Variants in SPINK5 observed in about 807,000 individuals in gnomAD.
The protein encoded by SPINK5 is serine protease inhibitor Kazal-type 5.
SPINK5 carries 125 observed loss-of-function variants against 151.8 expected under a neutral mutation model. That is an observed-to-expected ratio of 0.82 (90% CI 0.71 to 0.96). The LOEUF (loss-of-function observed/expected upper bound fraction) is 0.96, where lower values mean the gene tolerates loss of function less well. Among genes scored for constraint, SPINK5 ranks in the 40% least tolerant of loss-of-function variants. The probability of loss-of-function intolerance (pLI) is 0.00; values close to 1 mark genes in which losing one functional copy is unlikely to be tolerated. For missense variants in SPINK5, 1,194 were observed against 1,291.9 expected, an observed-to-expected ratio of 0.92 and a Z score of 1.16; for synonymous variants, 374 against 395.3, an observed-to-expected ratio of 0.95 and a Z score of 0.64.
chr5:148,078,021 C>T (rs1561676492), intron 4 of SPINK5, among the ~76,000 whole-genome samples: 1 of 150,862 alleles, frequency 6.6e-6, no homozygotes, highest in Non-Finnish European at 1.5e-5. Context: ...CAGAAATTGT[C>T]AAATGATAAC....
intron 31 of SPINK5, among the ~76,000 whole-genome samples, chr5:148,132,027 G>C (rs1291370959): frequency 6.6e-6 from 1 of 152,168 alleles, no homozygotes; most frequent in Non-Finnish European, 1.5e-5. Flanking sequence ...TGACTTCACA[G>C]ATGATTGAAA....
Position 148,120,292 on chromosome 5 carries a change from C to A in SPINK5, c.2442-3C>A. 6.2e-7 allele frequency: 1 copy of A among 1,605,496 alleles called. No homozygotes were observed. The highest frequency in any genetic ancestry group is 8.5e-7 in the Non-Finnish European group (1 of 1,175,466). On this transcript the variant is annotated splice_polypyrimidine_tract_variant and splice_region_variant and intron_variant, in intron 25 of 32. Coordinates refer to ENST00000256084, the MANE Select transcript of SPINK5 (RefSeq NM_006846.4). The stretch of plus-strand genomic sequence containing the variant: ...TTGAAATGTTTCATTGTTTTCCCCC[C>A]AGGGAAAGGGAAGCAGCTGAAAAAA...
At chr5:148,119,435 C>T (rs748302222) in intron 24 of SPINK5, among the ~76,000 whole-genome samples, 15 of 152,088 alleles carry the variant, frequency 9.9e-5, no homozygotes, top group Non-Finnish European at 1.6e-4. Flanking sequence ...TAAGCAGATG[C>T]GTAAAATAAC....
chr5:148,100,657 A>G (rs1753616126), intron 13 of SPINK5, 76 bp downstream of exon 13: 2 of 1,516,766 alleles, frequency 1.3e-6, no homozygotes, highest in Admixed American at 3.4e-5. Flanking sequence ...CAATTATGGG[A>G]GGGCCACTTC....
At chr5:148,103,647 A>C (rs1319069195) in intron 15 of SPINK5, among the ~76,000 whole-genome samples, 4 of 152,180 alleles carry the variant, frequency 2.6e-5, no homozygotes, top group African/African-American at 9.6e-5. Flanking sequence ...TTTATTTCAT[A>C]AGTATATAAA....
Position 148,097,870 on chromosome 5 carries a change from C to A in SPINK5, c.886C>A (p.Leu296Ile), listed in dbSNP as rs1753510621. 6.2e-7 allele frequency: 1 copy of A among 1,606,918 alleles called. No individual in the cohort carries two copies. ...KTKVKREIVKLCSQYQNQAKN... is the reference protein window; with the variant it reads ...KTKVKREIVKICSQYQNQAKN... ...CTTTTTCTTATTCATTATTCAGAAA[C>A]TCTGCAGTCAATATCAAAATCAGGC... is the stretch of plus-strand genomic sequence containing the variant. The change falls in exon 11 of 33, where the codon CTC becomes ATC. Residue 296 changes from leucine to isoleucine, a missense_variant. By Grantham distance (5) the Leu-to-Ile change is conservative (BLOSUM62 2). Transcript: ENST00000256084.
chr5:148,121,661 TAAAG>T (rs150640655), intron 26 of SPINK5, among the ~76,000 whole-genome samples: 79,569 of 148,616 alleles, frequency 0.54, 22,438 homozygotes, highest in Admixed American at 0.64. Flanking sequence ...AAAAAAAAAA[TAAAG>T]AAAATATGGA....
intron 15 of SPINK5, among the ~76,000 whole-genome samples, chr5:148,102,332 TTAA>T (rs1380611021): frequency 6.6e-6 from 1 of 152,098 alleles, no homozygotes. Flanking sequence ...GTGACTACAG[TTAA>T]TAATAATGTA....
chr5:148,135,396 TATA>T (rs1046635308), intron 32 of SPINK5, among the ~76,000 whole-genome samples: 3 of 152,294 alleles, frequency 2.0e-5, no homozygotes, highest in Non-Finnish European at 2.9e-5. Flanking sequence ...AAAACTACTT[TATA>T]AAGAACTTGC....
chr5:148,110,989 A>T (rs1753910771), intron 18 of SPINK5, among the ~76,000 whole-genome samples: 1 of 152,052 alleles, frequency 6.6e-6, no homozygotes, highest in Non-Finnish European at 1.5e-5. Context: ...AATAAAATAA[A>T]ATAAAAAACA....
At chr5:148,067,868 G>A (rs1752625981) in intron 2 of SPINK5, among the ~76,000 whole-genome samples, 1 of 152,020 alleles carries the variant, frequency 6.6e-6, no homozygotes, top group Non-Finnish European at 1.5e-5. Context: ...TCCTCCCTTT[G>A]CATCCAAAAT....
chr5:148,097,809 T>A (rs1244910822), intron 10 of SPINK5, 58 bp from the exon 11 acceptor site: 4 of 1,525,508 alleles, frequency 2.6e-6, no homozygotes, highest in Non-Finnish European at 3.6e-6. Context: ...AAATAACATT[T>A]AACATTCATA....
intron 17 of SPINK5, among the ~76,000 whole-genome samples, chr5:148,107,414 T>C (rs992330541): frequency 2.0e-5 from 3 of 151,716 alleles, no homozygotes; most frequent in Non-Finnish European, 4.4e-5. Context: ...TAACACTTGA[T>C]AATCTTCATT....
chr5:148,123,078 G>A (rs1754316155), intron 26 of SPINK5, among the ~76,000 whole-genome samples: 1 of 151,794 alleles, frequency 6.6e-6, no homozygotes, highest in African/African-American at 2.4e-5. Context: ...CAGGGCACTG[G>A]GGGCTCATGC....
chr5:148,094,355 A>G lies in SPINK5; in HGVS notation c.668A>G (p.Asp223Gly), dbSNP rs866243185. 1 of 1,612,262 alleles carries G rather than the reference A, an allele frequency of 6.2e-7. No homozygotes were observed. The highest frequency in any genetic ancestry group is 1.7e-4 in the Middle Eastern group (1 of 6,044). Residue 223 changes from aspartate (D) to glycine (G), a missense_variant and splice_region_variant, in exon 9 of 33, where the codon GAT (aspartate) becomes GGT (glycine). Transcript: ENST00000256084. Reference sequence around the variant, plus strand: ...ATAAATATAATTGTCTTTTCAAAGGATTTTTGCAAGGAATATGAAAAACAA... The same window carrying G: ...ATAAATATAATTGTCTTTTCAAAGGGTTTTTGCAAGGAATATGAAAAACAA... The part of the protein sequence containing the change: ...ETRIRRNAEK[D>G]FCKEYEKQVR...
At chr5:148,120,791 A>G (rs1204056303) in intron 26 of SPINK5, among the ~76,000 whole-genome samples, 1 of 152,058 alleles carries the variant, frequency 6.6e-6, no homozygotes, top group African/African-American at 2.4e-5. Context: ...TGAATTTTTT[A>G]AACAAATAAA....
intron 8 of SPINK5, among the ~76,000 whole-genome samples, chr5:148,093,899 C>A (rs1213981857): frequency 2.6e-5 from 4 of 151,890 alleles, no homozygotes; most frequent in African/African-American, 9.7e-5. Context: ...TAGTAATCCT[C>A]ATTAATATGT....
At chr5:148,109,838 C>T (rs1753875631) in intron 18 of SPINK5, among the ~76,000 whole-genome samples, 1 of 152,148 alleles carries the variant, frequency 6.6e-6, no homozygotes, top group South Asian at 2.1e-4. Context: ...TCACCTCACT[C>T]AAAGTAAAAA....
intron 4 of SPINK5, among the ~76,000 whole-genome samples, chr5:148,076,762 CAG>C (rs1752892450): frequency 6.6e-6 from 1 of 151,388 alleles, no homozygotes; most frequent in Admixed American, 6.6e-5. Flanking sequence ...AATGAAAAGA[CAG>C]AATAATTTTT....
Sources: gnomAD v4.1 joint callset for allele counts (sites outside exome capture counted in the v4.1 genomes callset) on GRCh38, gnomAD v4.1.1 for gene constraint, MANE v1.5 for transcripts, NCBI Gene and HGNC (gene_info 2026-07-23, HGNC 2026-07-21) for gene names.